Variants in MAD1L1 observed in about 807,000 individuals in gnomAD.
MAD1L1 encodes the protein mitotic spindle assembly checkpoint protein MAD1.
Under a neutral mutation model 96.9 loss-of-function variants are expected in MAD1L1, and 95 were observed. The observed-to-expected ratio is 0.98, with a 90% CI of 0.83 to 1.16. The LOEUF (loss-of-function observed/expected upper bound fraction) is 1.16, where lower values mean the gene tolerates loss of function less well. Among genes scored for constraint, MAD1L1 ranks in the 50% most tolerant of loss-of-function variants. The probability of loss-of-function intolerance (pLI) is 0.00; values close to 1 mark genes in which losing one functional copy is unlikely to be tolerated. For synonymous variants in MAD1L1, 473 were observed against 396.6 expected (o/e 1.19, Z -2.29); for missense variants, 1,007 against 954.4 (o/e 1.06, Z -0.73).
rs1558457 is a variant in MAD1L1 at position 2,163,142 on chromosome 7, C to T, written c.987-13904G>A. Among the ~76,000 whole-genome samples the T allele has an allele frequency of 6.0e-3, 918 of 152,240 alleles. 11 individuals are homozygous for T. Among genetic ancestry groups the T allele is most frequent in the African/African-American group, 0.021 (880 of 41,510 alleles). ...TAATTAAATGATGTAATTACAATGA[C>T]GTGCAACAGGCACAAACCGGCACAT... On this transcript the variant is annotated intron_variant, in intron 10 of 18. Coordinates refer to ENST00000265854, the MANE Select transcript of MAD1L1 (RefSeq NM_001013836.2).
chr7:1,816,988 C>G (rs1171551899), intron 18 of MAD1L1: 1 of 152,342 alleles, frequency 6.6e-6, no homozygotes, highest in East Asian at 1.9e-4. Flanking sequence ...GTCCTGTACC[C>G]AGAATATGCC....
chr7:1,893,172 G>A (rs970431671), intron 18 of MAD1L1, among the ~76,000 whole-genome samples: 31 of 152,200 alleles, frequency 2.0e-4, no homozygotes, highest in African/African-American at 7.2e-4. Flanking sequence ...AGCTGGAGCT[G>A]AGATTTGCCT....
intron 11 of MAD1L1, among the ~76,000 whole-genome samples, chr7:2,117,006 T>C (rs1787738655): frequency 6.6e-6 from 1 of 152,172 alleles, no homozygotes; most frequent in Non-Finnish European, 1.5e-5. Context: ...AAACCCGACC[T>C]TGGGGAGCTC....
At chr7:1,842,062 A>C (rs1261346758) in intron 18 of MAD1L1, among the ~76,000 whole-genome samples, 1 of 152,178 alleles carries the variant, frequency 6.6e-6, no homozygotes, top group Non-Finnish European at 1.5e-5. Flanking sequence ...CGTCTTTGGC[A>C]GGGCTGAAAA....
rs189748737 is a variant in MAD1L1 at position 2,042,052 on chromosome 7, G to A, written c.1218+27142C>T. On this transcript the variant is annotated intron_variant, in intron 12 of 18. Coordinates refer to ENST00000265854, the MANE Select transcript of MAD1L1 (RefSeq NM_001013836.2). ...ACACACGCACACGGACATGCACACA[G>A]ACACACAGATGCACGTACACACATA... Among the ~76,000 whole-genome samples, 3 of 151,196 alleles carry A rather than the reference G, an allele frequency of 2.0e-5. No homozygotes were observed. In the East Asian group the frequency reaches 5.8e-4, roughly 29 times the overall value.
intron 11 of MAD1L1, among the ~76,000 whole-genome samples, chr7:2,089,491 T>A (rs527382687): frequency 6.6e-6 from 1 of 152,234 alleles, no homozygotes; most frequent in African/African-American, 2.4e-5. Flanking sequence ...GAACCATAAG[T>A]CCAATTAAAC....
At chr7:1,995,939 G>A (rs565236441) in intron 14 of MAD1L1, among the ~76,000 whole-genome samples, 83 of 152,202 alleles carry the variant, frequency 5.5e-4, no homozygotes, top group Non-Finnish European at 9.7e-4. Context: ...CACACCAGGA[G>A]GCTCTCATGA....
intron 12 of MAD1L1, among the ~76,000 whole-genome samples, chr7:2,064,602 G>T (rs149108769): frequency 6.6e-6 from 1 of 150,676 alleles, no homozygotes; most frequent in Non-Finnish European, 1.5e-5. Flanking sequence ...TCCCGGGAAT[G>T]TGGCAGCTTC....
intron 10 of MAD1L1, among the ~76,000 whole-genome samples, chr7:2,196,888 T>C (rs1258351988): frequency 6.6e-6 from 1 of 151,998 alleles, no homozygotes; most frequent in Non-Finnish European, 1.5e-5. Context: ...CCGCCCACCC[T>C]CCCCACACTT....
At chr7:2,077,536 C>T (rs561135880) in intron 11 of MAD1L1, among the ~76,000 whole-genome samples, 6 of 152,328 alleles carry the variant, frequency 3.9e-5, no homozygotes, top group East Asian at 1.9e-4. Flanking sequence ...ACAGGTGACA[C>T]GTTCCATGTG....
At chr7:2,078,663 G>A (rs1337289828) in intron 11 of MAD1L1, among the ~76,000 whole-genome samples, 1 of 152,198 alleles carries the variant, frequency 6.6e-6, no homozygotes, top group Non-Finnish European at 1.5e-5. Flanking sequence ...GGCTGCAGGG[G>A]GTGCTCCTGG....
chr7:1,895,761 C>G (rs1457226139), intron 18 of MAD1L1, among the ~76,000 whole-genome samples: 1 of 152,250 alleles, frequency 6.6e-6, no homozygotes, highest in Non-Finnish European at 1.5e-5. Flanking sequence ...GCTGCCTCAG[C>G]TCCATGGCTT....
chr7:1,925,316 G>A (rs1396183202), intron 17 of MAD1L1, among the ~76,000 whole-genome samples: 1 of 152,218 alleles, frequency 6.6e-6, no homozygotes, highest in East Asian at 1.9e-4. Context: ...GAGACACTTT[G>A]AAATTAAAAA....
chr7:1,922,972 C>T (rs1351224721), intron 17 of MAD1L1, among the ~76,000 whole-genome samples: 2 of 152,218 alleles, frequency 1.3e-5, no homozygotes, highest in Admixed American at 6.5e-5. Context: ...AAAATAGCCC[C>T]GCAGTGTTCT....
At chr7:2,022,628 A>C (rs1173149691) in intron 12 of MAD1L1, among the ~76,000 whole-genome samples, 1 of 152,240 alleles carries the variant, frequency 6.6e-6, no homozygotes, top group Non-Finnish European at 1.5e-5. Context: ...AACCAAACAA[A>C]GCAGATAAAG....
intron 14 of MAD1L1, among the ~76,000 whole-genome samples, chr7:1,992,607 C>T (rs1337797789): frequency 6.6e-6 from 1 of 152,196 alleles, no homozygotes; most frequent in African/African-American, 2.4e-5. Flanking sequence ...AATCCTACAT[C>T]TGCCTTTTTA....
chr7:1,916,402 G>C (rs892842440), intron 17 of MAD1L1, among the ~76,000 whole-genome samples: 1 of 152,194 alleles, frequency 6.6e-6, no homozygotes, highest in African/African-American at 2.4e-5. Context: ...ATTGTGGTCC[G>C]TCTGTGCTAG....
At chr7:1,923,661 G>A (rs982710321) in intron 17 of MAD1L1, among the ~76,000 whole-genome samples, 5 of 152,268 alleles carry the variant, frequency 3.3e-5, no homozygotes, top group African/African-American at 1.2e-4. Flanking sequence ...AGGCGGCTGT[G>A]GCCGTGGGAC....
intron 18 of MAD1L1, among the ~76,000 whole-genome samples, chr7:1,889,007 G>A (rs1193257487): frequency 1.3e-5 from 2 of 152,252 alleles, no homozygotes; most frequent in East Asian, 3.8e-4. Context: ...TCGGCAGACA[G>A]TGGCAGGGAT....
Sources: gnomAD v4.1 joint callset for allele counts (sites outside exome capture counted in the v4.1 genomes callset) on GRCh38, gnomAD v4.1.1 for gene constraint, MANE v1.5 for transcripts, NCBI Gene and HGNC (gene_info 2026-07-23, HGNC 2026-07-21) for gene names.